TAF4B: variants seen among roughly 807,000 people sequenced by gnomAD.
TAF4B encodes the protein TATA-box binding protein associated factor 4b, also known as transcription initiation factor TFIID subunit 4B.
Under a neutral mutation model 86.4 loss-of-function variants are expected in TAF4B, and 38 were observed. The ratio of observed to expected loss-of-function variants is 0.44; its 90% CI spans 0.34 to 0.58. TAF4B has a LOEUF of 0.58. Ranked by LOEUF, TAF4B falls within the 20% of genes least tolerant of loss-of-function variation. TAF4B has a pLI of 0.02. For synonymous variants in TAF4B, 388 were observed against 391.2 expected, an observed-to-expected ratio of 0.99 and a Z score of 0.10; for missense variants, 988 against 1,027.6, an observed-to-expected ratio of 0.96 and a Z score of 0.53.
At chr18:26,227,737 G>T (rs954576454) in intron 1 of TAF4B, among the ~76,000 whole-genome samples, 2 of 152,192 alleles carry the variant, frequency 1.3e-5, no homozygotes, top group African/African-American at 4.8e-5. Flanking sequence ...CACCGACGTC[G>T]AACTCCTGGG....
chr18:26,349,775 G>A (rs2057229531), intron 13 of TAF4B, among the ~76,000 whole-genome samples: 1 of 152,178 alleles, frequency 6.6e-6, no homozygotes, highest in African/African-American at 2.4e-5. Flanking sequence ...GAACAAAGCT[G>A]GAGGCATGAC....
chr18:26,259,552 C>A (rs981798666), intron 1 of TAF4B, among the ~76,000 whole-genome samples: 1 of 151,794 alleles, frequency 6.6e-6, no homozygotes, highest in Non-Finnish European at 1.5e-5. Flanking sequence ...TTTGTCCTTA[C>A]AATAGTTTGC....
chr18:26,268,326 C>T (rs1459827171), intron 3 of TAF4B, among the ~76,000 whole-genome samples: 5 of 152,158 alleles, frequency 3.3e-5, no homozygotes, highest in Non-Finnish European at 7.3e-5. Context: ...TCATGGTTTT[C>T]GTCTTTGGGG....
In TAF4B at chr18:26,286,492, A is replaced by G. The variant is rs1273517469; in HGVS notation, c.1583A>G (p.Lys528Arg). 6 of 1,599,944 alleles carry G rather than the reference A, an allele frequency of 3.8e-6. No homozygotes were observed. Among genetic ancestry groups the G allele is most frequent in the Middle Eastern group, 1.8e-4 (1 of 5,662 alleles). Residue 528 changes from lysine (K) to arginine (R), a missense_variant, in exon 7 of 15, where the codon AAG becomes AGG. Transcript: ENST00000269142. The part of the protein sequence containing the change: ...PAGIPQAVQV[K>R]QLVVQQPSGG... ...GGGATTCCACAGGCAGTTCAAGTCA[A>G]GCAACTAGTGAGTAACATTTTGTTT...
At chr18:26,385,341 C>T (rs1978322394) in intron 14 of TAF4B, among the ~76,000 whole-genome samples, 1 of 151,990 alleles carries the variant, frequency 6.6e-6, no homozygotes, top group African/African-American at 2.4e-5. Flanking sequence ...AATAGAGTTC[C>T]TCAGAAGTTT....
chr18:26,307,040 C>T (rs28497182), intron 9 of TAF4B, among the ~76,000 whole-genome samples: 2 of 152,158 alleles, frequency 1.3e-5, no homozygotes, highest in South Asian at 2.1e-4. Context: ...CCACCTGCCT[C>T]GGCCTCCCAA....
chr18:26,240,163 A>G (rs1217300256), intron 1 of TAF4B, among the ~76,000 whole-genome samples: 4 of 152,176 alleles, frequency 2.6e-5, no homozygotes, highest in East Asian at 1.9e-4. Flanking sequence ...CATTGAATCT[A>G]TAAGTTACCT....
chr18:26,250,313 C>T (rs900674066), intron 1 of TAF4B, among the ~76,000 whole-genome samples: 4 of 151,972 alleles, frequency 2.6e-5, no homozygotes, highest in South Asian at 2.1e-4. Context: ...CTGGCTAACA[C>T]GGTGAAACCC....
At chr18:26,321,642 A>G (rs1460502654) in intron 11 of TAF4B, among the ~76,000 whole-genome samples, 1 of 151,840 alleles carries the variant, frequency 6.6e-6, no homozygotes, top group Non-Finnish European at 1.5e-5. Context: ...ACAACGTGTT[A>G]AAGATACACA....
intron 14 of TAF4B, among the ~76,000 whole-genome samples, chr18:26,382,367 G>C (rs1978294711): frequency 6.6e-6 from 1 of 152,160 alleles, no homozygotes; most frequent in Non-Finnish European, 1.5e-5. Context: ...TCAATTTACT[G>C]CCTTTCAGAA....
rs1978603386 is a variant in TAF4B at position 26,389,873 on chromosome 18, G to T, written c.2450G>T (p.Gly817Val). 6.2e-7 allele frequency: 1 copy of T among 1,613,210 alleles called. No homozygotes were observed. The highest frequency in any genetic ancestry group is 2.2e-5 in the East Asian group (1 of 44,856). ...TTAAAAGACAACCTTCTTGCTTCTG[G>T]GACATCCAGCCTGACAGCCACCAAA... ...EGLKDNLLAS[G>V]TSSLTATKQL... Residue 817 changes from glycine to valine, a missense_variant, in exon 15 of 15, where the codon GGG (glycine) becomes GTG (valine). By Grantham distance (109) the Gly-to-Val change is moderately radical (BLOSUM62 -3). Coordinates refer to ENST00000269142, the MANE Select transcript of TAF4B (RefSeq NM_005640.3).
intron 9 of TAF4B, among the ~76,000 whole-genome samples, chr18:26,295,606 G>A (rs1461181761): frequency 6.6e-6 from 1 of 152,196 alleles, no homozygotes; most frequent in African/African-American, 2.4e-5. Context: ...TGCAGTCCAG[G>A]TTCTAACAGG....
chr18:26,346,263 C>T (rs192139543), intron 13 of TAF4B, among the ~76,000 whole-genome samples: 1 of 151,904 alleles, frequency 6.6e-6, no homozygotes, highest in Non-Finnish European at 1.5e-5. Flanking sequence ...CTACACCAAG[C>T]AGAAAAAAGA....
chr18:26,242,059 C>G (rs1449840968), intron 1 of TAF4B, among the ~76,000 whole-genome samples: 1 of 152,148 alleles, frequency 6.6e-6, no homozygotes, highest in African/African-American at 2.4e-5. Flanking sequence ...AATGTATATT[C>G]TGTTGATTTG....
intron 1 of TAF4B, among the ~76,000 whole-genome samples, chr18:26,253,379 G>A (rs2056034644): frequency 6.6e-6 from 1 of 152,150 alleles, no homozygotes; most frequent in South Asian, 2.1e-4. Flanking sequence ...GTGTTTTATA[G>A]TAGTTAGTGT....
intron 14 of TAF4B, among the ~76,000 whole-genome samples, chr18:26,385,381 G>A (rs1176042680): frequency 6.6e-6 from 1 of 152,090 alleles, no homozygotes; most frequent in Non-Finnish European, 1.5e-5. Flanking sequence ...TTAGTTCAGT[G>A]GTATAACAAA....
intron 10 of TAF4B, among the ~76,000 whole-genome samples, 186 bp from the exon 11 acceptor site, chr18:26,320,884 A>T (rs1386673866): frequency 6.6e-6 from 1 of 152,214 alleles, no homozygotes; most frequent in Non-Finnish European, 1.5e-5. Context: ...CTGAGGCTTC[A>T]GGCTAGGTTT....
chr18:26,335,042 T>A, intron 12 of TAF4B, 133 bp from the exon 13 acceptor site: 1 of 659,856 alleles, frequency 1.5e-6, no homozygotes, highest in Non-Finnish European at 2.6e-6. Flanking sequence ...GCAGCTAGAC[T>A]GGATTGAGGT....
chr18:26,386,626 C>T (rs1394757846), intron 14 of TAF4B, among the ~76,000 whole-genome samples: 1 of 152,144 alleles, frequency 6.6e-6, no homozygotes, highest in African/African-American at 2.4e-5. Flanking sequence ...TTAGCTTTGC[C>T]TGTTCTGGGA....
Sources: allele counts gnomAD v4.1 joint callset (sites outside exome capture counted in the v4.1 genomes callset), GRCh38; gene constraint gnomAD v4.1.1; transcripts MANE v1.5; gene names NCBI Gene and HGNC (gene_info 2026-07-23, HGNC 2026-07-21).